Variants in SLC39A11 observed in about 807,000 individuals in gnomAD.
SLC39A11 encodes solute carrier family 39 member 11.
A neutral mutation model predicts 36.1 loss-of-function variants in SLC39A11; 33 were observed. The ratio of observed to expected loss-of-function variants is 0.91; its 90% confidence interval spans 0.69 to 1.22. The LOEUF is 1.22. Ranked by LOEUF, SLC39A11 falls within the 50% of genes most tolerant of loss-of-function variation. The pLI is 0.00. For synonymous variants in SLC39A11, 166 were observed against 170.3 expected, an observed-to-expected ratio of 0.97 and a Z score of 0.20; for missense variants, 432 against 430.3, an observed-to-expected ratio of 1.00 and a Z score of -0.03.
Position 72,647,071 on chromosome 17 carries a change from C to A in SLC39A11, c.*513G>T, listed in dbSNP as rs1248748833. ...CATGCTCCTCTCTGGGCTGGCTCGGCCTTGGAAGGTAGCTTGCTATCTTTA... is the reference window on the plus strand; with the variant it reads ...CATGCTCCTCTCTGGGCTGGCTCGGACTTGGAAGGTAGCTTGCTATCTTTA... On this transcript the variant is annotated 3_prime_UTR_variant, in exon 10 of 10. Coordinates refer to ENST00000255559, the MANE Select transcript of SLC39A11 (RefSeq NM_139177.4). The A allele has an allele frequency of 6.6e-6, 1 of 152,204 alleles. No homozygotes were observed. Among genetic ancestry groups the A allele is most frequent in the Non-Finnish European group, 1.5e-5 (1 of 68,248 alleles). The allele number at this position is 152,204 out of a possible 1,614,324, so 9.4% of individuals were successfully genotyped here.
chr17:72,695,416 G>A (rs573326653), intron 7 of SLC39A11, among the ~76,000 whole-genome samples: 21 of 152,218 alleles, frequency 1.4e-4, no homozygotes, highest in East Asian at 1.9e-4. Flanking sequence ...AAAACAGGGC[G>A]CTGCACCCCC....
intron 5 of SLC39A11, among the ~76,000 whole-genome samples, chr17:72,914,761 G>T (rs916111637): frequency 6.6e-6 from 1 of 151,200 alleles, no homozygotes; most frequent in African/African-American, 2.4e-5. Flanking sequence ...CCAGTTACTT[G>T]GAAGGCTGAG....
intron 4 of SLC39A11, among the ~76,000 whole-genome samples, chr17:72,966,163 G>A (rs534195112): frequency 4.6e-5 from 7 of 152,348 alleles, no homozygotes; most frequent in African/African-American, 1.4e-4. Context: ...GGAGGCGCAG[G>A]CTGGCACCCC....
intron 6 of SLC39A11, among the ~76,000 whole-genome samples, chr17:72,780,848 G>C (rs146126941): frequency 6.6e-6 from 1 of 152,114 alleles, no homozygotes; most frequent in African/African-American, 2.4e-5. Flanking sequence ...TTAGCTGGGC[G>C]TGGTGGCAAA....
intron 7 of SLC39A11, 147 bp from the exon 8 acceptor site, chr17:72,649,415 C>G (rs1035887312): frequency 1.5e-6 from 1 of 657,612 alleles, no homozygotes; most frequent in Non-Finnish European, 2.6e-6. Flanking sequence ...GGAGAAAGGT[C>G]AGGACGTGTG....
chr17:72,985,204 G>C (rs921479413), intron 4 of SLC39A11, among the ~76,000 whole-genome samples: 2 of 152,180 alleles, frequency 1.3e-5, no homozygotes, highest in Non-Finnish European at 2.9e-5. Flanking sequence ...GGACATACAG[G>C]GGGGAAAGGA....
rs576036439 is a variant in SLC39A11, at chr17:72,704,079, G to A, written c.671+32571C>T. Among the ~76,000 whole-genome samples, 7 of 152,334 alleles carry A rather than the reference G, an allele frequency of 4.6e-5. No homozygotes were observed. The South Asian group carries it at 1.0e-3, about 23-fold the overall frequency. ...GGAGGTGGAGGTTGCAGTGAGCTGC[G>A]ATCATGCCACTGTACTCTAGCCTGG... On this transcript the variant is annotated intron_variant, in intron 7 of 9. Transcript: ENST00000255559.
chr17:72,885,292 C>T (rs138627174), intron 5 of SLC39A11, among the ~76,000 whole-genome samples: 32 of 150,346 alleles, frequency 2.1e-4, no homozygotes, highest in African/African-American at 7.4e-4. Flanking sequence ...ACTCCAGTTT[C>T]ATACTTTTGC....
At chr17:72,840,079 C>A (rs1265723601) in intron 6 of SLC39A11, among the ~76,000 whole-genome samples, 13 of 152,128 alleles carry the variant, frequency 8.5e-5, no homozygotes, top group African/African-American at 3.1e-4. Context: ...CAGGAATAAC[C>A]AACCACTGTG....
At chr17:72,935,795 G>A (rs1170461061) in intron 5 of SLC39A11, among the ~76,000 whole-genome samples, 1 of 151,890 alleles carries the variant, frequency 6.6e-6, no homozygotes, top group Non-Finnish European at 1.5e-5. Context: ...ATGTTGGCCA[G>A]GCTGGTCTTG....
chr17:72,680,118 T>G (rs1239266748), intron 7 of SLC39A11, among the ~76,000 whole-genome samples: 1 of 151,724 alleles, frequency 6.6e-6, no homozygotes, highest in Non-Finnish European at 1.5e-5. Context: ...TTTTAACCAT[T>G]TATGAGGTGT....
intron 5 of SLC39A11, among the ~76,000 whole-genome samples, chr17:72,932,355 A>G (rs1351740390): frequency 6.8e-6 from 1 of 146,358 alleles, no homozygotes; most frequent in Non-Finnish European, 1.5e-5. Flanking sequence ...CAGTTTTGTT[A>G]CATAGGTATA....
rs556719876 is a variant in SLC39A11, at chr17:72,945,403, T to G, written c.430+2349A>C. On this transcript the variant is annotated intron_variant, in intron 5 of 9. Transcript: ENST00000255559. ...CTAAATACCCATTAAACCCATCTCC[T>G]TGCTCCATTTACAGCAAGCTTAAGG... 4.6e-5 allele frequency among the ~76,000 whole-genome samples: 7 copies of G among 152,332 alleles called. No individual in the cohort carries two copies. In the East Asian group the frequency reaches 1.3e-3, roughly 29 times the overall value.
intron 6 of SLC39A11, among the ~76,000 whole-genome samples, chr17:72,827,546 G>A (rs2078080730): frequency 6.6e-6 from 1 of 152,230 alleles, no homozygotes; most frequent in South Asian, 2.1e-4. Flanking sequence ...AAAAGAATAT[G>A]TGAGCCTATT....
intron 6 of SLC39A11, among the ~76,000 whole-genome samples, chr17:72,814,842 G>A (rs1168057027): frequency 1.3e-5 from 2 of 152,130 alleles, no homozygotes; most frequent in African/African-American, 4.8e-5. Context: ...GACCCCATGA[G>A]AACAATGGTC....
chr17:72,971,835 G>A (rs1031432343), intron 4 of SLC39A11, among the ~76,000 whole-genome samples: 21 of 152,126 alleles, frequency 1.4e-4, no homozygotes, highest in African/African-American at 3.4e-4. Flanking sequence ...TGGGAGGGGC[G>A]CAGGATTCCA....
chr17:72,749,977 G>C (rs2075090434), intron 6 of SLC39A11, among the ~76,000 whole-genome samples: 1 of 152,136 alleles, frequency 6.6e-6, no homozygotes, highest in South Asian at 2.1e-4. Flanking sequence ...AAGAGACACA[G>C]GCTCCATTGG....
intron 3 of SLC39A11, among the ~76,000 whole-genome samples, chr17:73,053,805 T>C (rs932862106): frequency 1.3e-5 from 2 of 152,232 alleles, no homozygotes; most frequent in African/African-American, 2.4e-5. Context: ...AGACATTTCC[T>C]GGCATGACTG....
At chr17:72,657,606 C>T (rs373979780) in intron 7 of SLC39A11, among the ~76,000 whole-genome samples, 6 of 152,110 alleles carry the variant, frequency 3.9e-5, no homozygotes, top group South Asian at 2.1e-4. Context: ...CCAACCATTC[C>T]GGTTCACCAG....
Sources: gnomAD v4.1 joint callset for allele counts (sites outside exome capture counted in the v4.1 genomes callset) on GRCh38, gnomAD v4.1.1 for gene constraint, MANE v1.5 for transcripts, NCBI Gene and HGNC (gene_info 2026-07-23, HGNC 2026-07-21) for gene names.